Variants in ERO1A observed in about 807,000 individuals in gnomAD.
ERO1A encodes endoplasmic reticulum oxidoreductase 1 alpha.
A neutral mutation model predicts 76.9 loss-of-function variants in ERO1A; 49 were observed. The ratio of observed to expected loss-of-function variants is 0.64; its 90% CI spans 0.51 to 0.81. ERO1A has a LOEUF of 0.81. Ranked by LOEUF, ERO1A falls within the 30% of genes least tolerant of loss-of-function variation. The pLI is 0.00. For synonymous variants in ERO1A, 174 were observed against 181.2 expected, an observed-to-expected ratio of 0.96 and a Z score of 0.32; for missense variants, 448 against 542.1, an observed-to-expected ratio of 0.83 and a Z score of 1.72.
intron 6 of ERO1A, among the ~76,000 whole-genome samples, chr14:52,671,039 T>C (rs1156834904): frequency 1.3e-5 from 2 of 152,194 alleles, no homozygotes; most frequent in African/African-American, 4.8e-5. Flanking sequence ...TTTAATCTAC[T>C]TTCTGTCTCC....
At chr14:52,691,858 T>C (rs2041365144) in intron 1 of ERO1A, among the ~76,000 whole-genome samples, 3 of 152,244 alleles carry the variant, frequency 2.0e-5, no homozygotes, top group African/African-American at 7.2e-5. Context: ...GTATATACAA[T>C]TCTTACATGA....
At chr14:52,672,816 A>C (rs2040654034) in intron 4 of ERO1A, among the ~76,000 whole-genome samples, 1 of 151,662 alleles carries the variant, frequency 6.6e-6, no homozygotes, top group African/African-American at 2.4e-5. Context: ...AAACAAAAAA[A>C]ATTTGGTCAA....
intron 13 of ERO1A, 49 bp from the exon 14 acceptor site, chr14:52,646,510 TAGTA>T (rs1343319034): frequency 2.1e-6 from 3 of 1,429,902 alleles, no homozygotes; most frequent in East Asian, 2.3e-5. Flanking sequence ...TACAGTCAAT[TAGTA>T]AGTATTTTCT....
chr14:52,664,016 T>C (rs1201682075), intron 7 of ERO1A, 169 bp from the exon 8 acceptor site: 4 of 478,804 alleles, frequency 8.4e-6, no homozygotes, highest in Admixed American at 4.1e-5. Context: ...GGCTATTTGT[T>C]GTAGTGATAA....
chr14:52,652,191 A>G lies in ERO1A; in HGVS notation c.1125+48T>C, dbSNP rs761433476. 61 of 1,136,252 alleles carry G rather than the reference A, an allele frequency of 5.4e-5. 1 individual carries two copies. The highest frequency in any genetic ancestry group is 4.5e-4 in the South Asian group (36 of 80,426). 70.4% of individuals were successfully genotyped at this position (1,136,252 alleles called of 1,614,324 possible). On this transcript the variant is annotated intron_variant, in intron 13 of 15. Coordinates refer to ENST00000395686, the MANE Select transcript of ERO1A (RefSeq NM_014584.3). ...ATGAGTACTATATATTCATATCTGC[A>G]TAAGTGTTAATCAGTTTGTATCTAA...
At chr14:52,657,567 C>A (rs2040092904) in intron 11 of ERO1A, among the ~76,000 whole-genome samples, 1 of 152,174 alleles carries the variant, frequency 6.6e-6, no homozygotes, top group Non-Finnish European at 1.5e-5. Flanking sequence ...AAACTCCAGG[C>A]CTGATACGAG....
rs1177667692 is a variant in ERO1A at position 52,640,737 on chromosome 14, G to A, written c.*2833C>T. The A allele has an allele frequency of 6.6e-6, 1 of 152,140 alleles. No individual in the cohort carries two copies. The highest frequency in any genetic ancestry group is 2.4e-5 in the African/African-American group (1 of 41,394). The allele number at this position is 152,140 out of a possible 1,614,324, so 9.4% of individuals were successfully genotyped here. A position where few individuals can be genotyped will look rare whatever the true frequency, so the allele number is the denominator to read the frequency against. On this transcript the variant is annotated 3_prime_UTR_variant, in exon 16 of 16. Coordinates refer to ENST00000395686, the MANE Select transcript of ERO1A (RefSeq NM_014584.3). ...AGTAAAACTTAGACACTAAATGATAGGGGAAGGTGGAGGAGAGGAATGAGC... is the reference window on the plus strand; with the variant it reads ...AGTAAAACTTAGACACTAAATGATAAGGGAAGGTGGAGGAGAGGAATGAGC...
intron 1 of ERO1A, among the ~76,000 whole-genome samples, chr14:52,688,776 A>G (rs2041261274): frequency 6.6e-6 from 1 of 152,222 alleles, no homozygotes; most frequent in South Asian, 2.1e-4. Flanking sequence ...TGCAAAAGGC[A>G]GGATAAAGGA....
At position 52,671,660 on chromosome 14, in the gene ERO1A, C is replaced by T. The variant is rs1397875218; in HGVS notation, c.478G>A (p.Asp160Asn). The part of the protein sequence containing the change: ...KAVLQWTKHD[D>N]SSDNFCEADD... Reference sequence around the variant, plus strand: ...GCTTCACAGAAGTTATCTGAAGAATCATCATGCTTGGTCCACTGAAGAACA... The same window carrying T: ...GCTTCACAGAAGTTATCTGAAGAATTATCATGCTTGGTCCACTGAAGAACA... Residue 160 changes from aspartate (D) to asparagine (N), a missense_variant, in exon 6 of 16, where the codon GAT (aspartate) becomes AAT (asparagine). Asp to Asn is a conservative substitution (Grantham distance 23). This residue lies in a region of ERO1A where 302 missense variants were observed against 411.9 expected (regional missense o/e 0.73). Transcript: ENST00000395686. The T allele has an allele frequency of 6.2e-7, 1 of 1,608,074 alleles. No homozygotes were observed. The highest frequency in any genetic ancestry group is 2.2e-5 in the East Asian group (1 of 44,700).
chr14:52,676,895 T>A (rs781660332), intron 4 of ERO1A, among the ~76,000 whole-genome samples: 21 of 148,544 alleles, frequency 1.4e-4, no homozygotes, highest in Non-Finnish European at 3.0e-4. Flanking sequence ...AAAAAAAGTA[T>A]TTGTCTACCA....
intron 4 of ERO1A, chr14:52,672,382 T>G (rs2040631575): frequency 6.6e-6 from 1 of 152,242 alleles, no homozygotes; most frequent in Non-Finnish European, 1.5e-5. Context: ...ACAAGTTCTA[T>G]TCTTTTGCCC....
At chr14:52,659,845 A>T (rs1023198558) in intron 9 of ERO1A, among the ~76,000 whole-genome samples, 1 of 151,128 alleles carries the variant, frequency 6.6e-6, no homozygotes, top group African/African-American at 2.4e-5. Context: ...AAAAAAAAAA[A>T]AAAGAAAAAA....
chr14:52,681,900 A>G (rs2041008729), intron 3 of ERO1A, among the ~76,000 whole-genome samples: 1 of 152,198 alleles, frequency 6.6e-6, no homozygotes, highest in Non-Finnish European at 1.5e-5. Context: ...GGAAAATCAA[A>G]TATCAGGCCA....
At chr14:52,658,441 T>G (rs2040124034) in intron 9 of ERO1A, 1 of 265,566 alleles carries the variant, frequency 3.8e-6, no homozygotes. Flanking sequence ...ATACAGAATT[T>G]AAATAGTAAA....
chr14:52,691,027 A>G (rs1308214871), intron 1 of ERO1A, among the ~76,000 whole-genome samples: 1 of 152,202 alleles, frequency 6.6e-6, no homozygotes, highest in East Asian at 1.9e-4. Flanking sequence ...TCAGCCTCCC[A>G]AAGTGTTGGA....
At chr14:52,691,123 A>G (rs1054030281) in intron 1 of ERO1A, among the ~76,000 whole-genome samples, 1 of 152,176 alleles carries the variant, frequency 6.6e-6, no homozygotes, top group East Asian at 1.9e-4. Context: ...AAATAAATCA[A>G]TGTGCTCAAA....
intron 5 of ERO1A, 24 bp from the exon 6 acceptor site, chr14:52,671,727 CATT>C (rs781439852): frequency 2.7e-5 from 43 of 1,576,824 alleles, no homozygotes; most frequent in Non-Finnish European, 8.6e-6. Context: ...AAAAAAATAA[CATT>C]ATTATTTTTA....
Position 52,682,402 on chromosome 14 carries a change from G to C in ERO1A, c.241C>G (p.Leu81Val). 1 of 1,601,294 alleles carries C rather than the reference G, an allele frequency of 6.2e-7. No homozygotes were observed. The highest frequency in any genetic ancestry group is 8.5e-7 in the Non-Finnish European group (1 of 1,172,796). Residue 81 changes from leucine (L) to valine (V), a missense_variant, in exon 3 of 16, where the codon CTG becomes GTG. This residue lies in a region of ERO1A where 146 missense variants were observed against 130.2 expected (regional missense o/e 1.12). Transcript: ENST00000395686. The stretch of plus-strand genomic sequence containing the variant: ...TTCCAGAAAGGACACGGCCTCTTCA[G>C]GTTTACCTGTAAAATAATAATAGAA... ...SDYFRYYKVN[L>V]KRPCPFWNDI...
intron 1 of ERO1A, among the ~76,000 whole-genome samples, chr14:52,684,232 C>T (rs2041102572): frequency 6.6e-6 from 1 of 151,868 alleles, no homozygotes; most frequent in South Asian, 2.1e-4. Flanking sequence ...GGTAGGCATC[C>T]AACTCAAACC....
Sources: allele counts gnomAD v4.1 joint callset (sites outside exome capture counted in the v4.1 genomes callset), GRCh38; gene constraint gnomAD v4.1.1; regional missense constraint gnomAD v4.1.1; transcripts MANE v1.5; gene names NCBI Gene and HGNC (gene_info 2026-07-23, HGNC 2026-07-21).